The following SAMMSON variants were observed in gnomAD, a reference collection of about 807,000 sequenced individuals.
SAMMSON encodes the protein long intergenic non-protein coding RNA 1212.
chr3:70,099,023 G>C (rs1247865498), intron 4 of SAMMSON, among the ~76,000 whole-genome samples: 1 of 152,122 alleles, frequency 6.6e-6, no homozygotes, highest in East Asian at 1.9e-4. Flanking sequence ...TTAAATTTAA[G>C]AGATTCACCT....
intron 3 of SAMMSON, among the ~76,000 whole-genome samples, chr3:70,017,755 C>G (rs1169232591): frequency 6.6e-6 from 1 of 151,984 alleles, no homozygotes; most frequent in Non-Finnish European, 1.5e-5. Flanking sequence ...TGAGAAACAT[C>G]CCATCAATAC....
chr3:70,288,101 C>G (rs1702187608), intron 6 of SAMMSON, among the ~76,000 whole-genome samples: 1 of 148,140 alleles, frequency 6.8e-6, no homozygotes, highest in South Asian at 2.2e-4. Flanking sequence ...CTTCTGCTAG[C>G]TTTTGAATGT....
chr3:70,381,956 T>A (rs879813651), intron 9 of SAMMSON, among the ~76,000 whole-genome samples: 1 of 152,196 alleles, frequency 6.6e-6, no homozygotes, highest in Non-Finnish European at 1.5e-5. Flanking sequence ...TATTAAATGA[T>A]GTCTAGGAAC....
At chr3:70,265,679 C>G (rs1701910792) in intron 6 of SAMMSON, among the ~76,000 whole-genome samples, 1 of 152,210 alleles carries the variant, frequency 6.6e-6, no homozygotes. Context: ...AGTCCATTCT[C>G]ACACTGCTGT....
chr3:70,057,073 GC>G (rs1490906894), intron 3 of SAMMSON, among the ~76,000 whole-genome samples: 2 of 151,988 alleles, frequency 1.3e-5, no homozygotes, highest in African/African-American at 4.8e-5. Context: ...AAGAGACTGT[GC>G]AAAGAGAAAA....
intron 6 of SAMMSON, among the ~76,000 whole-genome samples, chr3:70,286,002 G>A (rs1006561343): frequency 1.4e-4 from 21 of 151,578 alleles, no homozygotes; most frequent in Non-Finnish European, 3.1e-4. Context: ...CTCCCATTTT[G>A]TAGGTTGCCT....
intron 4 of SAMMSON, among the ~76,000 whole-genome samples, chr3:70,231,059 C>T (rs938694519): frequency 6.6e-6 from 1 of 152,180 alleles, no homozygotes; most frequent in East Asian, 1.9e-4. Flanking sequence ...GCAACAAATG[C>T]TTTTCTACCA....
intron 4 of SAMMSON, chr3:70,140,323 A>G (rs2067522817): frequency 1.4e-5 from 3 of 221,296 alleles, no homozygotes; most frequent in Admixed American, 1.3e-4. Flanking sequence ...GAAAGAGAGC[A>G]ATGCAAGCAG....
intron 4 of SAMMSON, among the ~76,000 whole-genome samples, chr3:70,123,646 GA>G (rs1576127820): frequency 1.3e-5 from 2 of 152,192 alleles, no homozygotes; most frequent in Non-Finnish European, 2.9e-5. Flanking sequence ...GCCATGCTTG[GA>G]AACCAGTGTT....
chr3:70,090,237 T>A (rs960607248), intron 4 of SAMMSON, among the ~76,000 whole-genome samples: 4 of 152,200 alleles, frequency 2.6e-5, no homozygotes, highest in Admixed American at 6.5e-5. Context: ...TTACTGGTAA[T>A]AAATTATTAT....
intron 1 of SAMMSON, among the ~76,000 whole-genome samples, chr3:70,005,869 A>G (rs568551606): frequency 6.6e-6 from 1 of 152,314 alleles, no homozygotes; most frequent in African/African-American, 2.4e-5. Context: ...TATTGACTAA[A>G]GATAGAACAG....
At chr3:70,036,655 C>G (rs1282860985) in intron 3 of SAMMSON, among the ~76,000 whole-genome samples, 3 of 152,100 alleles carry the variant, frequency 2.0e-5, no homozygotes, top group Admixed American at 6.6e-5. Flanking sequence ...GTGGGAGAAC[C>G]TGTCTCATAA....
intron 6 of SAMMSON, among the ~76,000 whole-genome samples, chr3:70,264,760 G>A (rs1457911522): frequency 6.6e-6 from 1 of 152,238 alleles, no homozygotes; most frequent in African/African-American, 2.4e-5. Context: ...GCAGTGTGAT[G>A]AATCTCATGA....
At chr3:70,061,491 A>G (rs1239388825) in intron 3 of SAMMSON, among the ~76,000 whole-genome samples, 2 of 152,118 alleles carry the variant, frequency 1.3e-5, no homozygotes, top group Admixed American at 6.6e-5. Context: ...GTCTTGAAAT[A>G]TCAGAGCATC....
intron 4 of SAMMSON, among the ~76,000 whole-genome samples, chr3:70,221,377 T>A (rs1454577461): frequency 6.6e-6 from 1 of 152,126 alleles, no homozygotes; most frequent in African/African-American, 2.4e-5. Flanking sequence ...GGAGAATACA[T>A]CTTAGAGAAG....
At chr3:70,255,260 T>C (rs373596804) in intron 6 of SAMMSON, among the ~76,000 whole-genome samples, 5 of 152,176 alleles carry the variant, frequency 3.3e-5, no homozygotes, top group African/African-American at 1.2e-4. Flanking sequence ...CAATGACACA[T>C]AAATTTTTGT....
At chr3:70,378,612 T>A (rs1395756128) in intron 9 of SAMMSON, among the ~76,000 whole-genome samples, 2 of 152,148 alleles carry the variant, frequency 1.3e-5, no homozygotes, top group Non-Finnish European at 2.9e-5. Context: ...AACAGTACAG[T>A]TGTATATACT....
chr3:70,276,753 A>G (rs555737362), intron 6 of SAMMSON, among the ~76,000 whole-genome samples: 1 of 152,342 alleles, frequency 6.6e-6, no homozygotes, highest in East Asian at 1.9e-4. Context: ...GTGTTTTCAC[A>G]CTATAATGGC....
chr3:70,234,670 A>G (rs1458620854), intron 4 of SAMMSON, among the ~76,000 whole-genome samples: 2 of 152,020 alleles, frequency 1.3e-5, no homozygotes, highest in African/African-American at 4.8e-5. Context: ...CTGGTGCTTA[A>G]TAGAGCTATG....
Sources: allele counts gnomAD v4.1 joint callset (sites outside exome capture counted in the v4.1 genomes callset), GRCh38; gene constraint gnomAD v4.1.1; transcripts MANE v1.5; gene names NCBI Gene and HGNC (gene_info 2026-07-23, HGNC 2026-07-21).